The following AFG2A variants were observed in gnomAD, a reference collection of about 807,000 sequenced individuals.
AFG2A encodes the protein ATPase family gene 2 protein homolog A.
the AFG2A span, among the ~76,000 whole-genome samples, chr4:123,003,673 C>G: frequency 6.6e-6 from 1 of 151,954 alleles, no homozygotes; most frequent in Admixed American, 6.6e-5. Context: ...GAAGTTTTGT[C>G]TCAGAGGAGT....
the AFG2A span, among the ~76,000 whole-genome samples, chr4:123,294,407 C>T: frequency 1.3e-5 from 2 of 152,148 alleles, no homozygotes; most frequent in Non-Finnish European, 2.9e-5. Context: ...AGGCCAAGGA[C>T]AAAGTACAAC....
chr4:123,188,968 A>G, the AFG2A span, among the ~76,000 whole-genome samples: 2 of 152,176 alleles, frequency 1.3e-5, no homozygotes, highest in African/African-American at 4.8e-5. Context: ...ATTTCTCACA[A>G]TTGAAAAGCA....
At chr4:122,938,176 G>A in the AFG2A span, 1 of 1,610,220 alleles carries the variant, frequency 6.2e-7, no homozygotes, top group South Asian at 1.1e-5. Context: ...TGTCCGAAAA[G>A]AGAGGGGGCC....
chr4:123,300,568 A>G, the AFG2A span, among the ~76,000 whole-genome samples: 3 of 152,140 alleles, frequency 2.0e-5, no homozygotes, highest in African/African-American at 7.2e-5. Context: ...CTAAATACCC[A>G]GTATATAGTG....
At chr4:123,297,772 T>C in the AFG2A span, among the ~76,000 whole-genome samples, 5 of 151,782 alleles carry the variant, frequency 3.3e-5, no homozygotes, top group African/African-American at 1.2e-4. Context: ...AGCAGCCCCA[T>C]TGCAGCACGC....
chr4:123,205,520 A>G, the AFG2A span, among the ~76,000 whole-genome samples: 7 of 152,362 alleles, frequency 4.6e-5, no homozygotes, highest in African/African-American at 1.4e-4. Context: ...ACAATACAGT[A>G]TAGTAACTAT....
chr4:123,026,641 T>A, the AFG2A span, among the ~76,000 whole-genome samples: 2 of 152,204 alleles, frequency 1.3e-5, no homozygotes, highest in Non-Finnish European at 2.9e-5. Context: ...TATAAAGCAA[T>A]ATGAGTAATA....
the AFG2A span, chr4:122,938,191 A>C: frequency 6.2e-7 from 1 of 1,610,848 alleles, no homozygotes; most frequent in Non-Finnish European, 8.5e-7. Flanking sequence ...GGGGCCCAGA[A>C]TGAAGTGGAA....
At chr4:123,309,532 A>G in the AFG2A span, among the ~76,000 whole-genome samples, 11 of 152,210 alleles carry the variant, frequency 7.2e-5, no homozygotes, top group Non-Finnish European at 1.6e-4. Context: ...TTGGAGAAAA[A>G]CATTCAGACC....
the AFG2A span, among the ~76,000 whole-genome samples, chr4:123,242,126 G>T: frequency 1.2e-4 from 18 of 152,082 alleles, no homozygotes; most frequent in African/African-American, 4.3e-4. Flanking sequence ...CAAAATAAAA[G>T]AGGACACAAA....
chr4:122,953,846 C>T, the AFG2A span, among the ~76,000 whole-genome samples: 1 of 152,206 alleles, frequency 6.6e-6, no homozygotes, highest in Non-Finnish European at 1.5e-5. Flanking sequence ...TTCTCCATTT[C>T]TCATAAGTTG....
At chr4:122,964,285 C>T in the AFG2A span, among the ~76,000 whole-genome samples, 1 of 152,020 alleles carries the variant, frequency 6.6e-6, no homozygotes, top group African/African-American at 2.4e-5. Flanking sequence ...GGGTGGACCA[C>T]TTGAGGTCAG....
At chr4:123,222,329 T>C in the AFG2A span, among the ~76,000 whole-genome samples, 55 of 152,320 alleles carry the variant, frequency 3.6e-4, no homozygotes, top group African/African-American at 1.2e-3. Context: ...GGGATAGATG[T>C]TTCACATGTT....
chr4:122,939,155 G>A, the AFG2A span, among the ~76,000 whole-genome samples: 6,267 of 131,710 alleles, frequency 0.048, 415 homozygotes, highest in African/African-American at 0.16. Context: ...GCACAATCTC[G>A]GCTCACCGCA....
chr4:123,183,606 T>C, the AFG2A span, among the ~76,000 whole-genome samples: 1 of 152,208 alleles, frequency 6.6e-6, no homozygotes, highest in Non-Finnish European at 1.5e-5. Flanking sequence ...ATGTACATGT[T>C]GCACATAGGC....
At chr4:123,214,155 G>A in the AFG2A span, among the ~76,000 whole-genome samples, 27 of 151,956 alleles carry the variant, frequency 1.8e-4, no homozygotes, top group Non-Finnish European at 5.9e-5. Context: ...AATTCCACTG[G>A]GCTTACTCTT....
chr4:123,095,554 A>G, the AFG2A span, among the ~76,000 whole-genome samples: 5 of 152,178 alleles, frequency 3.3e-5, no homozygotes, highest in African/African-American at 1.2e-4. Context: ...TGCTGGTAGA[A>G]ACAAAACAGT....
the AFG2A span, among the ~76,000 whole-genome samples, chr4:123,114,199 G>A: frequency 2.0e-5 from 3 of 152,136 alleles, no homozygotes; most frequent in Non-Finnish European, 4.4e-5. Flanking sequence ...GGGAGGAAGT[G>A]CATGCCGATT....
At chr4:123,091,656 T>A in the AFG2A span, among the ~76,000 whole-genome samples, 1 of 152,222 alleles carries the variant, frequency 6.6e-6, no homozygotes, top group African/African-American at 2.4e-5. Flanking sequence ...TTTAAGAAGT[T>A]AGTCAGGCTG....
Sources: allele counts gnomAD v4.1 joint callset (sites outside exome capture counted in the v4.1 genomes callset), GRCh38; gene constraint gnomAD v4.1.1; transcripts MANE v1.5; gene names NCBI Gene and HGNC (gene_info 2026-07-23, HGNC 2026-07-21).